FAM186B: variants seen among roughly 807,000 people sequenced by gnomAD.
FAM186B encodes protein FAM186B.
Under a neutral mutation model 83.4 loss-of-function variants are expected in FAM186B, and 68 were observed. The ratio of observed to expected loss-of-function variants is 0.81; its 90% confidence interval spans 0.67 to 1.00. The LOEUF (loss-of-function observed/expected upper bound fraction) is 1.00, where lower values mean the gene tolerates loss of function less well. Among genes scored for constraint, FAM186B ranks in the 50% least tolerant of loss-of-function variants. FAM186B has a pLI of 0.00. For missense variants in FAM186B, 983 were observed against 1,099.2 expected, an observed-to-expected ratio of 0.89 and a Z score of 1.49; for synonymous variants, 389 against 422.0, an observed-to-expected ratio of 0.92 and a Z score of 0.96.
intron 5 of FAM186B, among the ~76,000 whole-genome samples, chr12:49,591,361 A>G (rs552512089): frequency 6.6e-6 from 1 of 152,370 alleles, no homozygotes; most frequent in East Asian, 1.9e-4. Context: ...AGGCAGAACC[A>G]TCCTCAGAGC....
chr12:49,599,951 G>A lies in FAM186B; in HGVS notation c.1689C>T (p.Thr563=). The A allele has an allele frequency of 1.2e-6, 2 of 1,613,948 alleles. No individual in the cohort carries two copies. Among genetic ancestry groups the A allele is most frequent in the Non-Finnish European group, 1.7e-6 (2 of 1,179,952 alleles). ...EDVERRIFTP[T]SRWRDLEKAE... is the part of the protein sequence containing the mutation. ...CCTTCTCCAAGTCCCTCCATCGACT[G>A]GTGGGTGTGAAGATCCTCCTCTCCA... The change falls in exon 4 of 7, where the codon ACC becomes ACT. Residue 563 remains threonine, a synonymous_variant. Transcript: ENST00000257894.
chr12:49,609,054 T>C (rs368321512), upstream of FAM186B, among the ~76,000 whole-genome samples: 8 of 152,104 alleles, frequency 5.3e-5, no homozygotes, highest in African/African-American at 1.7e-4. Flanking sequence ...TCGAGGTGCA[T>C]AGAGGTTTCT....
chr12:49,620,625 G>T, the FAM186B span, among the ~76,000 whole-genome samples: 1 of 152,144 alleles, frequency 6.6e-6, no homozygotes, highest in Admixed American at 6.5e-5. Flanking sequence ...CTGCATAGTA[G>T]TAGCATTTAT....
chr12:49,620,003 A>G, the FAM186B span, among the ~76,000 whole-genome samples: 1 of 152,024 alleles, frequency 6.6e-6, no homozygotes, highest in Non-Finnish European at 1.5e-5. Context: ...CTACATATTA[A>G]TGATTAAAAT....
chr12:49,599,044 G>T, intron 4 of FAM186B, 97 bp from the exon 5 acceptor site: 1 of 1,273,062 alleles, frequency 7.9e-7, no homozygotes, highest in Non-Finnish European at 1.1e-6. Context: ...TAATTCCTTA[G>T]AGCAAAAAGA....
rs76092719 is a variant in FAM186B, at chr12:49,600,359, C to T, written c.1281G>A (p.Lys427=). Residue 427 remains lysine (K), a synonymous_variant, in exon 4 of 7, where the codon AAG becomes AAA. Transcript: ENST00000257894. This position sits in a 1 kb window ranked among gnomAD's most constrained non-coding sequence, Gnocchi z 4.3. ...LLPLVDRRFP[K]KWERPVAESL... ...TTTCTGCCACCGGTCTTTCCCATTTCTTAGGAAACCTGCGATCTACTAAGG... is the reference window on the plus strand; with the variant it reads ...TTTCTGCCACCGGTCTTTCCCATTTTTTAGGAAACCTGCGATCTACTAAGG... 2.9e-3 allele frequency: 4,754 copies of T among 1,614,190 alleles called. 119 individuals carry two copies. The African/African-American group carries it at 0.056, about 19-fold the overall frequency.
intron 5 of FAM186B, among the ~76,000 whole-genome samples, chr12:49,589,318 T>A (rs1939524730): frequency 6.6e-6 from 1 of 152,152 alleles, no homozygotes; most frequent in African/African-American, 2.4e-5. Flanking sequence ...TTTGGGCTCC[T>A]CCAATCCCTC....
Position 49,599,513 on chromosome 12 carries a change from G to T in FAM186B, c.2127C>A (p.Tyr709Ter). 2.5e-6 allele frequency: 4 copies of T among 1,584,814 alleles called. No individual in the cohort carries two copies. The highest frequency in any genetic ancestry group is 3.4e-6 in the Non-Finnish European group (4 of 1,167,716). ...TATAGAAGATGTACTTATGGCACAG[G>T]TACTGCAGCCTGAGCGCGCCCAGCT... ...TMELGALRLQ[Y>*]LCHKYIFYRR... Residue 709 changes from tyrosine (Y) to a stop codon, truncating the protein, a stop_gained, in exon 4 of 7, where the codon TAC becomes TAA. Coordinates refer to ENST00000257894, the MANE Select transcript of FAM186B (RefSeq NM_032130.3). LOFTEE classifies it high-confidence loss of function.
At chr12:49,609,924 CT>C (rs1390825714), upstream of FAM186B, among the ~76,000 whole-genome samples, 1 of 152,200 alleles carries the variant, frequency 6.6e-6, no homozygotes, top group African/African-American at 2.4e-5. Context: ...CAACAGAGAG[CT>C]TCTGCCAGTA....
chr12:49,612,367 GT>G, the FAM186B span, among the ~76,000 whole-genome samples: 4,506 of 134,006 alleles, frequency 0.034, 149 homozygotes, highest in African/African-American at 0.092. Context: ...ATCCAACAAA[GT>G]TTTTTTTTTT....
chr12:49,589,849 C>T (rs1169598686), intron 5 of FAM186B, among the ~76,000 whole-genome samples: 1 of 151,596 alleles, frequency 6.6e-6, no homozygotes, highest in African/African-American at 2.4e-5. Flanking sequence ...GGTGTGGTGG[C>T]GTGCATCTGT....
rs756366808 is a variant in FAM186B at position 49,600,558 on chromosome 12, G to A, written c.1082C>T (p.Pro361Leu). The A allele has an allele frequency of 5.0e-6, 8 of 1,613,416 alleles. No homozygotes were observed. The highest frequency in any genetic ancestry group is 4.0e-5 in the African/African-American group (3 of 74,910). The change falls in exon 4 of 7, where the codon CCG becomes CTG. Residue 361 changes from proline to leucine, a missense_variant. By Grantham distance (98) the Pro-to-Leu change is moderately conservative. Coordinates refer to ENST00000257894, the MANE Select transcript of FAM186B (RefSeq NM_032130.3). This position sits in a 1 kb window ranked among gnomAD's most constrained non-coding sequence, Gnocchi z 4.3. Reference sequence around the variant, plus strand: ...CGAGAACAACTGCTCCTCCTTCATCGGTTCCTGTTGGCTTTCCTCCATGAC... The same window carrying A: ...CGAGAACAACTGCTCCTCCTTCATCAGTTCCTGTTGGCTTTCCTCCATGAC... ...ETVMEESQQE[P>L]MKEEQLFSPL...
At chr12:49,597,852 G>T (rs1939764280) in intron 5 of FAM186B, among the ~76,000 whole-genome samples, 1 of 152,166 alleles carries the variant, frequency 6.6e-6, no homozygotes. Flanking sequence ...TTGAGGTCAG[G>T]TGTTCAAGAC....
Position 49,605,129 on chromosome 12 carries a change from G to T in FAM186B, c.96+253C>A, listed in dbSNP as rs1228886440. The T allele has an allele frequency of 3.1e-6, 4 of 1,301,540 alleles. No homozygotes were observed. The Admixed American group carries it at 1.3e-4, about 41-fold the overall frequency. The allele number at this position is 1,301,540 out of a possible 1,614,324, so 80.6% of individuals were successfully genotyped here. A position where few individuals can be genotyped will look rare whatever the true frequency, so the allele number is the denominator to read the frequency against. On this transcript the variant is annotated intron_variant, in intron 1 of 6. Transcript: ENST00000257894. ...ACCACACCACCACGATGTGCCTCAG[G>T]GCTATCCTCGAGCTTCCTGCCCCCT...
At position 49,599,717 on chromosome 12, in the gene FAM186B, G is replaced by A. The variant is rs1052912292; in HGVS notation, c.1923C>T (p.Ser641=). 1.2e-6 allele frequency: 2 copies of A among 1,613,744 alleles called. No individual in the cohort carries two copies. The highest frequency in any genetic ancestry group is 8.5e-7 in the Non-Finnish European group (1 of 1,179,806). Residue 641 remains serine, a synonymous_variant, in exon 4 of 7, where the codon TCC becomes TCT. Transcript: ENST00000257894. ...KSASFPVTGT[S]IRRLTWPSLQ... is the part of the protein sequence containing the mutation. ...AAGAGGGCCAGGTCAGCCTTCGGAT[G>A]GATGTCCCAGTGACAGGAAAGGAGG...
chr12:49,619,783 T>C, the FAM186B span, among the ~76,000 whole-genome samples: 2 of 148,104 alleles, frequency 1.4e-5, no homozygotes, highest in African/African-American at 4.9e-5. Context: ...CAAGTGACTC[T>C]CCTGCCTCAG....
chr12:49,604,265 C>T lies in FAM186B; in HGVS notation c.322+48G>A, dbSNP rs369975977. ...CCTGTGCTGTCCCTGTGCTCGCCAC[C>T]CACACTCCCCTCCCAGAGGAGGCAC... On this transcript the variant is annotated intron_variant, in intron 2 of 6. Coordinates refer to ENST00000257894, the MANE Select transcript of FAM186B (RefSeq NM_032130.3). 80 of 1,504,876 alleles carry T rather than the reference C, an allele frequency of 5.3e-5. 1 individual carries two copies. Among genetic ancestry groups the T allele is most frequent in the Non-Finnish European group, 6.3e-5 (68 of 1,085,966 alleles). 93.2% of individuals were successfully genotyped at this position (1,504,876 alleles called of 1,614,324 possible). A position where few individuals can be genotyped will look rare whatever the true frequency, so the allele number is the denominator to read the frequency against.
Position 49,601,111 on chromosome 12 carries a change from C to G in FAM186B, c.529G>C (p.Gly177Arg). 1.3e-6 allele frequency: 2 copies of G among 1,572,018 alleles called. No individual in the cohort carries two copies. The highest frequency in any genetic ancestry group is 2.3e-5 in the South Asian group (2 of 85,626). Reference protein sequence around the residue: ...SQVSKRTFWQGWQGRSPQTSP... With the variant: ...SQVSKRTFWQRWQGRSPQTSP... ...GTCTGTGGGCTTCTTCCCTGCCAGC[C>G]CTGCCAGAAGGTGCGTTTGGACACT... Residue 177 changes from glycine (G) to arginine (R), a missense_variant, in exon 4 of 7, where the codon GGC (glycine) becomes CGC (arginine). Physicochemically the swap from Gly to Arg is moderately radical, Grantham distance 125. Transcript: ENST00000257894.
intron 2 of FAM186B, 61 bp downstream of exon 2, chr12:49,604,252 C>T: frequency 7.4e-7 from 1 of 1,356,394 alleles, no homozygotes; most frequent in Non-Finnish European, 1.0e-6. Context: ...TGTGCTGTCC[C>T]TGTGCTCGCC....
Sources: allele counts gnomAD v4.1 joint callset (sites outside exome capture counted in the v4.1 genomes callset), GRCh38; gene constraint gnomAD v4.1.1; non-coding constraint Gnocchi (gnomAD v3.1); transcripts MANE v1.5; gene names NCBI Gene and HGNC (gene_info 2026-07-23, HGNC 2026-07-21).